ZNF518A: variants seen among roughly 807,000 people sequenced by gnomAD.
ZNF518A encodes the protein zinc finger protein 518A, also known as zinc finger protein 518.
ZNF518A carries 47 observed loss-of-function variants against 102.7 expected under a neutral mutation model. The observed-to-expected ratio is 0.46, with a 90% CI of 0.36 to 0.58. The LOEUF (loss-of-function observed/expected upper bound fraction) is 0.58. Ranked by LOEUF, ZNF518A falls within the 20% of genes least tolerant of loss-of-function variation. ZNF518A has a pLI of 0.00. For synonymous variants in ZNF518A, 652 were observed against 594.6 expected, an observed-to-expected ratio of 1.10 and a Z score of -1.40; for missense variants, 1,793 against 1,699.8, an observed-to-expected ratio of 1.05 and a Z score of -0.96.
intron 3 of ZNF518A, among the ~76,000 whole-genome samples, chr10:96,139,904 G>A (rs2081828365): frequency 6.6e-6 from 1 of 152,170 alleles, no homozygotes; most frequent in Non-Finnish European, 1.5e-5. Flanking sequence ...TGTTGCCCAG[G>A]CTGGAGTGCA....
intron 1 of ZNF518A, among the ~76,000 whole-genome samples, chr10:96,184,405 T>G (rs587685014): frequency 1.1e-4 from 16 of 152,376 alleles, no homozygotes; most frequent in African/African-American, 3.6e-4. Flanking sequence ...ATCTATGGTC[T>G]TTACAATTTA....
rs3814228 is a variant in ZNF518A, at chr10:96,159,158, A to C, written c.2836A>C (p.Asn946His). 0.013 allele frequency: 21,402 copies of C among 1,613,692 alleles called. 1,299 individuals carry two copies. The East Asian group carries it at 0.2, about 15-fold the overall frequency. The change falls in exon 6 of 6, where the codon AAC becomes CAC. Residue 946 changes from asparagine (N) to histidine (H), a missense_variant. Physicochemically the swap from Asn to His is moderately conservative, Grantham distance 68 (BLOSUM62 1). This residue lies in a region of ZNF518A where 1,741 missense variants were observed against 1,622.6 expected (regional missense o/e 1.07). Coordinates refer to ENST00000316045, the MANE Select transcript of ZNF518A (RefSeq NM_001330736.2). ...ATTCTTAATACCATTGAACATTACT[A>C]ACAAGCCTGGGCTACCAGTTATTCC... ...KGFLIPLNITNKPGLPVIPGN... is the reference protein window; with the variant it reads ...KGFLIPLNITHKPGLPVIPGN...
rs587636864 is a variant in ZNF518A at position 96,158,001 on chromosome 10, T to C, written c.1679T>C (p.Val560Ala). The C allele has an allele frequency of 1.9e-6, 3 of 1,613,762 alleles. No individual in the cohort carries two copies. The East Asian group carries it at 6.7e-5, about 36-fold the overall frequency. Residue 560 changes from valine to alanine, a missense_variant, in exon 6 of 6, where the codon GTT becomes GCT. By Grantham distance (64) the Val-to-Ala change is moderately conservative (BLOSUM62 0). Coordinates refer to ENST00000316045, the MANE Select transcript of ZNF518A (RefSeq NM_001330736.2). ...TCTTTGTCAGCAACATCAGAATTGG[T>C]TACAGCATCAGTGAATTTGACCACA... ...VSSLSATSELVTASVNLTTKF... is the reference protein window; with the variant it reads ...VSSLSATSELATASVNLTTKF...
intron 2 of ZNF518A, among the ~76,000 whole-genome samples, chr10:96,133,121 C>T (rs1314790029): frequency 2.0e-5 from 3 of 152,010 alleles, no homozygotes; most frequent in Non-Finnish European, 4.4e-5. Context: ...TAGTTTATTA[C>T]TTAACATTTT....
chr10:96,157,165 T>C lies in ZNF518A; in HGVS notation c.843T>C (p.Val281=). The part of the protein sequence containing the change: ...ATRREHLVRH[V]ITLHKEHLYA... The stretch of plus-strand genomic sequence containing the variant: ...GGAGAGAACACCTTGTAAGACATGT[T>C]ATAACTTTGCACAAAGAACATTTAT... Residue 281 remains valine, a synonymous_variant, in exon 6 of 6, where the codon GTT becomes GTC. Coordinates refer to ENST00000316045, the MANE Select transcript of ZNF518A (RefSeq NM_001330736.2). 1 of 1,613,394 alleles carries C rather than the reference T, an allele frequency of 6.2e-7. No individual in the cohort carries two copies. The highest frequency in any genetic ancestry group is 8.5e-7 in the Non-Finnish European group (1 of 1,179,614).
intron 1 of ZNF518A, among the ~76,000 whole-genome samples, chr10:96,202,049 G>C (rs1394594652): frequency 2.6e-5 from 4 of 152,144 alleles, no homozygotes; most frequent in Non-Finnish European, 5.9e-5. Context: ...GTGAAGGCAA[G>C]GCCTGGCATA....
Position 96,186,484 on chromosome 10 carries a change from G to A in ZNF518A, n.36-17090G>A, listed in dbSNP as rs587726607. On this transcript the variant is annotated intron_variant and non_coding_transcript_variant, in intron 1 of 2. Transcript: ENST00000442635. Reference sequence around the variant, plus strand: ...ACGATCTTGGCTCACTGCAACCTTCGCCTCCTGGGTTCAACTGATTCTTCT... The same window carrying A: ...ACGATCTTGGCTCACTGCAACCTTCACCTCCTGGGTTCAACTGATTCTTCT... Among the ~76,000 whole-genome samples, 12 of 152,006 alleles carry A rather than the reference G, an allele frequency of 7.9e-5. 1 individual carries two copies. The highest frequency in any genetic ancestry group is 2.1e-4 in the South Asian group (1 of 4,812).
At chr10:96,129,924 C>T (rs1016106390), upstream of ZNF518A, 11 of 152,662 alleles carry the variant, frequency 7.2e-5, no homozygotes, top group African/African-American at 2.7e-4. Context: ...GCGAACCCAG[C>T]TCCATGGCCT....
chr10:96,188,497 G>T (rs2083285803), intron 1 of ZNF518A, among the ~76,000 whole-genome samples: 1 of 152,198 alleles, frequency 6.6e-6, no homozygotes, highest in Admixed American at 6.5e-5. Context: ...TAGAGCCAGG[G>T]TTGCTGTGGT....
At position 96,160,361 on chromosome 10, in the gene ZNF518A, G is replaced by A. The variant is rs1407538743; in HGVS notation, c.4039G>A (p.Val1347Ile). 2.5e-6 allele frequency: 4 copies of A among 1,613,434 alleles called. No homozygotes were observed. The highest frequency in any genetic ancestry group is 3.4e-6 in the Non-Finnish European group (4 of 1,179,660). ...LVKCPRRNQP[V>I]VVLNHPDADA... is the part of the protein sequence containing the mutation. The stretch of plus-strand genomic sequence containing the variant: ...GAAATGTCCTAGGAGAAACCAACCA[G>A]TTGTAGTTTTGAATCATCCTGACGC... The change falls in exon 6 of 6, where the codon GTT becomes ATT. Residue 1347 changes from valine to isoleucine, a missense_variant. Physicochemically the swap from Val to Ile is conservative, Grantham distance 29. Transcript: ENST00000316045.
chr10:96,158,337 C>A lies in ZNF518A; in HGVS notation c.2015C>A (p.Thr672Lys), dbSNP rs369232607. Residue 672 changes from threonine (T) to lysine (K), a missense_variant, in exon 6 of 6, where the codon ACA (threonine) becomes AAA (lysine). By Grantham distance (78) the Thr-to-Lys change is moderately conservative. Around this residue, in one of 3 missense-constraint regions of ZNF518A, gnomAD observed 1,741 missense variants for 1,622.6 expected, o/e 1.07. Coordinates refer to ENST00000316045, the MANE Select transcript of ZNF518A (RefSeq NM_001330736.2). Reference protein sequence around the residue: ...NPQRESSSSKTVVQQPISESF... With the variant: ...NPQRESSSSKKVVQQPISESF... ...CAAAGAGAATCTTCATCCAGCAAAA[C>A]AGTTGTCCAACAACCAATTAGTGAA... 6 of 1,613,620 alleles carry A rather than the reference C, an allele frequency of 3.7e-6. No individual in the cohort carries two copies. The African/African-American group carries it at 6.7e-5, about 18-fold the overall frequency.
At position 96,160,160 on chromosome 10, in the gene ZNF518A, A is replaced by C; in HGVS notation, c.3838A>C (p.Lys1280Gln). ...ATCTAGAAACAGAAACTGTAAACGA[A>C]AGTGTAGGGATAGTTACCAAGAACC... Reference protein sequence around the residue: ...FVSRNRNCKRKCRDSYQEPPR... With the variant: ...FVSRNRNCKRQCRDSYQEPPR... The change falls in exon 6 of 6, where the codon AAG (lysine) becomes CAG (glutamine). Residue 1280 changes from lysine to glutamine, a missense_variant. Lys to Gln is a moderately conservative substitution (Grantham distance 53, BLOSUM62 1). This residue lies in a region of ZNF518A where 1,741 missense variants were observed against 1,622.6 expected (regional missense o/e 1.07). Transcript: ENST00000316045. The C allele has an allele frequency of 6.2e-7, 1 of 1,609,536 alleles. No homozygotes were observed. Among genetic ancestry groups the C allele is most frequent in the African/African-American group, 1.3e-5 (1 of 74,690 alleles).
intron 1 of ZNF518A, among the ~76,000 whole-genome samples, chr10:96,190,853 A>G (rs2083316784): frequency 2.0e-5 from 3 of 152,194 alleles, no homozygotes; most frequent in South Asian, 4.1e-4. Context: ...GGTGTTCACC[A>G]ATGTCTGCTT....
intron 1 of ZNF518A, among the ~76,000 whole-genome samples, chr10:96,187,554 C>G (rs953541985): frequency 1.3e-5 from 2 of 152,202 alleles, no homozygotes; most frequent in Non-Finnish European, 2.9e-5. Flanking sequence ...ATTGCCCTGG[C>G]TAACTTATGA....
At chr10:96,203,969 CAGTGCTGTGTT>C in exon 3 of ZNF518A, 2 of 1,086,336 alleles carry the variant, frequency 1.8e-6, no homozygotes, top group Non-Finnish European at 1.4e-6. Context: ...CTGGAAGCGA[CAGTGCTGTGTT>C]AGAACCCAGG....
chr10:96,188,005 T>C (rs1469053543), intron 1 of ZNF518A, among the ~76,000 whole-genome samples: 1 of 152,186 alleles, frequency 6.6e-6, no homozygotes, highest in Non-Finnish European at 1.5e-5. Context: ...AGTGCCACCA[T>C]GCCCAGTTAA....
chr10:96,171,541 C>G (rs1007627254), intron 1 of ZNF518A, among the ~76,000 whole-genome samples: 4 of 152,052 alleles, frequency 2.6e-5, no homozygotes, highest in Non-Finnish European at 5.9e-5. Flanking sequence ...AAAGGAAATA[C>G]AGAGGGGACT....
At chr10:96,183,757 G>A (rs954093916) in intron 1 of ZNF518A, among the ~76,000 whole-genome samples, 2 of 152,220 alleles carry the variant, frequency 1.3e-5, no homozygotes, top group African/African-American at 4.8e-5. Flanking sequence ...TTTGGAATAA[G>A]TGCAATGTGG....
downstream of ZNF518A, chr10:96,204,511 T>A (rs782246044): frequency 3.7e-6 from 6 of 1,612,208 alleles, no homozygotes; most frequent in Non-Finnish European, 4.2e-6. Context: ...GAAACTGATC[T>A]TTAAAGGAAA....
Sources: gnomAD v4.1 joint callset for allele counts (sites outside exome capture counted in the v4.1 genomes callset) on GRCh38, gnomAD v4.1.1 for gene constraint, gnomAD v4.1.1 regional missense constraint, MANE v1.5 for transcripts, NCBI Gene and HGNC (gene_info 2026-07-23, HGNC 2026-07-21) for gene names.